Variants in AFG2A observed in about 807,000 individuals in gnomAD.
AFG2A encodes AAA ATPase AFG2A.
At chr4:123,213,232 A>T in the AFG2A span, among the ~76,000 whole-genome samples, 1 of 152,174 alleles carries the variant, frequency 6.6e-6, no homozygotes, top group Admixed American at 6.6e-5. Context: ...TGTACAAGCT[A>T]AAGCTAAACC....
the AFG2A span, among the ~76,000 whole-genome samples, chr4:123,001,945 CT>C: frequency 6.6e-6 from 1 of 152,138 alleles, no homozygotes; most frequent in African/African-American, 2.4e-5. Context: ...GTCTAAGTCT[CT>C]TTGTAGGTCA....
chr4:123,153,222 A>G, the AFG2A span, among the ~76,000 whole-genome samples: 2 of 152,176 alleles, frequency 1.3e-5, no homozygotes, highest in African/African-American at 2.4e-5. Flanking sequence ...ACTCTTCCAC[A>G]TGGCCTTTCT....
At chr4:123,194,456 A>C in the AFG2A span, among the ~76,000 whole-genome samples, 6 of 152,138 alleles carry the variant, frequency 3.9e-5, no homozygotes, top group Non-Finnish European at 7.4e-5. Context: ...AGAGAAAAAA[A>C]CTCACTGAAG....
At chr4:122,970,922 C>T in the AFG2A span, among the ~76,000 whole-genome samples, 1 of 152,124 alleles carries the variant, frequency 6.6e-6, no homozygotes. Context: ...CAACCTCTGC[C>T]TCCCGGGTTC....
chr4:123,194,333 CA>C, the AFG2A span, among the ~76,000 whole-genome samples: 1 of 152,034 alleles, frequency 6.6e-6, no homozygotes, highest in Non-Finnish European at 1.5e-5. Flanking sequence ...TAAAAAATTG[CA>C]AAAATCTCAG....
At chr4:123,056,512 GT>G in the AFG2A span, 1 of 1,322,750 alleles carries the variant, frequency 7.6e-7, no homozygotes, top group African/African-American at 1.5e-5. Flanking sequence ...CTTCCCTTTT[GT>G]TTTAGGTAAC....
chr4:123,301,141 T>C, the AFG2A span, among the ~76,000 whole-genome samples: 1 of 152,188 alleles, frequency 6.6e-6, no homozygotes, highest in Non-Finnish European at 1.5e-5. Flanking sequence ...ACCTTCGCTA[T>C]AGAAAAATAT....
chr4:122,960,673 G>A, the AFG2A span, among the ~76,000 whole-genome samples: 1 of 152,098 alleles, frequency 6.6e-6, no homozygotes, highest in East Asian at 1.9e-4. Flanking sequence ...TAATTATTTT[G>A]TTATTACAGC....
the AFG2A span, among the ~76,000 whole-genome samples, chr4:122,943,521 A>G: frequency 7.9e-5 from 12 of 152,188 alleles, no homozygotes; most frequent in South Asian, 1.9e-3. Context: ...TTTTGAGCCT[A>G]TGTGTGTCTC....
At chr4:123,298,351 C>T in the AFG2A span, among the ~76,000 whole-genome samples, 1 of 152,196 alleles carries the variant, frequency 6.6e-6, no homozygotes, top group Non-Finnish European at 1.5e-5. Flanking sequence ...CTCTCTTCAT[C>T]GAGACGGAAT....
the AFG2A span, among the ~76,000 whole-genome samples, chr4:123,172,156 G>T: frequency 5.3e-5 from 8 of 152,142 alleles, no homozygotes. Flanking sequence ...AGGAAGTGGG[G>T]TAATTAGTAC....
chr4:123,295,401 C>G, the AFG2A span, among the ~76,000 whole-genome samples: 1 of 152,202 alleles, frequency 6.6e-6, no homozygotes, highest in East Asian at 1.9e-4. Flanking sequence ...GAGACTTTGA[C>G]TGACATAAAT....
At chr4:122,983,624 TC>T in the AFG2A span, among the ~76,000 whole-genome samples, 1 of 152,218 alleles carries the variant, frequency 6.6e-6, no homozygotes, top group African/African-American at 2.4e-5. Context: ...AATTTTTTTT[TC>T]CTGTTATTCT....
At chr4:123,308,581 G>A in the AFG2A span, among the ~76,000 whole-genome samples, 40 of 152,152 alleles carry the variant, frequency 2.6e-4, no homozygotes, top group African/African-American at 9.4e-4. Context: ...TCTAATGCCT[G>A]ATGATCTGAG....
At chr4:122,972,884 T>A in the AFG2A span, among the ~76,000 whole-genome samples, 1 of 151,978 alleles carries the variant, frequency 6.6e-6, no homozygotes, top group Non-Finnish European at 1.5e-5. Context: ...GAAAACAGAG[T>A]TATTTTATTA....
At chr4:123,297,869 G>T in the AFG2A span, among the ~76,000 whole-genome samples, 1 of 152,118 alleles carries the variant, frequency 6.6e-6, no homozygotes, top group East Asian at 1.9e-4. Flanking sequence ...GCATTGTGTT[G>T]CCAAGACAGA....
the AFG2A span, among the ~76,000 whole-genome samples, chr4:123,167,816 T>C: frequency 6.6e-6 from 1 of 152,226 alleles, no homozygotes; most frequent in Non-Finnish European, 1.5e-5. Context: ...ATGCAATTTT[T>C]GATGTTGAAA....
At chr4:123,226,606 G>A in the AFG2A span, among the ~76,000 whole-genome samples, 1,469 of 152,228 alleles carry the variant, frequency 9.7e-3, 11 homozygotes, top group Non-Finnish European at 0.015. Flanking sequence ...GCTGGATTCG[G>A]TTTGCCAGTA....
the AFG2A span, among the ~76,000 whole-genome samples, chr4:123,115,566 A>G: frequency 1.3e-5 from 2 of 151,936 alleles, no homozygotes; most frequent in African/African-American, 2.4e-5. Context: ...AGACCCCTCC[A>G]TGCCAGACCG....
Sources: allele counts gnomAD v4.1 joint callset (sites outside exome capture counted in the v4.1 genomes callset), GRCh38; gene constraint gnomAD v4.1.1; transcripts MANE v1.5; gene names NCBI Gene and HGNC (gene_info 2026-07-23, HGNC 2026-07-21).